Variants in C16orf74 observed in about 807,000 individuals in gnomAD.
The protein encoded by C16orf74 is uncharacterized protein C16orf74.
Under a neutral mutation model 6.5 loss-of-function variants are expected in C16orf74, and 10 were observed. That is an observed-to-expected ratio of 1.54 (90% CI 0.95 to 2.61). The LOEUF (loss-of-function observed/expected upper bound fraction) is 2.61, where lower values mean the gene tolerates loss of function less well. C16orf74 is among the 30% of genes most tolerant of loss of function. C16orf74 has a pLI of 0.00. For missense variants in C16orf74, 141 were observed against 105.9 expected (o/e 1.33, Z -1.45); for synonymous variants, 60 against 42.5 (o/e 1.41, Z -1.60).
chr16:85,718,345 T>C (rs956735442), intron 2 of C16orf74, among the ~76,000 whole-genome samples: 5 of 152,206 alleles, frequency 3.3e-5, no homozygotes, highest in Non-Finnish European at 5.9e-5. Flanking sequence ...GGGTTACAGG[T>C]ATAAGCCACC....
chr16:85,734,539 C>G (rs561238423), intron 2 of C16orf74, among the ~76,000 whole-genome samples: 2 of 152,188 alleles, frequency 1.3e-5, no homozygotes, highest in Admixed American at 6.5e-5. Flanking sequence ...TCTCAGGCAG[C>G]GGGGCCGCAA....
intron 1 of C16orf74, among the ~76,000 whole-genome samples, chr16:85,737,647 T>C (rs373034460): frequency 6.6e-6 from 1 of 152,120 alleles, no homozygotes; most frequent in Non-Finnish European, 1.5e-5. Flanking sequence ...CTGGCCAACA[T>C]GGTGAAACCC....
At chr16:85,718,585 C>G (rs1301246145) in intron 2 of C16orf74, among the ~76,000 whole-genome samples, 1 of 152,224 alleles carries the variant, frequency 6.6e-6, no homozygotes, top group African/African-American at 2.4e-5. Flanking sequence ...ACCTGCAGAA[C>G]TGGGGTAAAT....
chr16:85,739,792 C>A (rs1298801606), intron 1 of C16orf74, among the ~76,000 whole-genome samples: 1 of 151,950 alleles, frequency 6.6e-6, no homozygotes, highest in Non-Finnish European at 1.5e-5. Flanking sequence ...GAGCAAGACC[C>A]TGTCTCAAAA....
intron 2 of C16orf74, among the ~76,000 whole-genome samples, chr16:85,733,817 G>A (rs918560192): frequency 4.6e-5 from 7 of 152,150 alleles, no homozygotes; most frequent in Non-Finnish European, 1.0e-4. Flanking sequence ...TGTCTGTCCG[G>A]CATCCCATCC....
intron 1 of C16orf74, among the ~76,000 whole-genome samples, chr16:85,738,515 G>C (rs112860518): frequency 0.025 from 3,733 of 150,394 alleles, 148 homozygotes; most frequent in African/African-American, 0.087. Flanking sequence ...ATTTTTAGTA[G>C]AAATGGGATT....
chr16:85,735,839 G>T (rs1167122056), intron 1 of C16orf74, among the ~76,000 whole-genome samples: 1 of 152,170 alleles, frequency 6.6e-6, no homozygotes, highest in Non-Finnish European at 1.5e-5. Flanking sequence ...CTAAGCAATT[G>T]AAAAATAGAA....
intron 2 of C16orf74, among the ~76,000 whole-genome samples, chr16:85,721,576 A>G (rs899257599): frequency 2.0e-5 from 3 of 152,182 alleles, no homozygotes; most frequent in Non-Finnish European, 4.4e-5. Flanking sequence ...CTTATCTGAA[A>G]TTCATATATA....
At chr16:85,710,975 T>G (rs2053963535) in intron 2 of C16orf74, 1 of 152,272 alleles carries the variant, frequency 6.6e-6, no homozygotes, top group South Asian at 2.1e-4. Flanking sequence ...GTGTTTCCCT[T>G]GAGCCTAGCG....
intron 2 of C16orf74, among the ~76,000 whole-genome samples, chr16:85,725,722 G>A (rs186390725): frequency 7.1e-4 from 108 of 152,266 alleles, no homozygotes; most frequent in Non-Finnish European, 1.4e-3. Flanking sequence ...TCACACCTCA[G>A]CCTCCTGAGT....
intron 2 of C16orf74, among the ~76,000 whole-genome samples, chr16:85,728,609 A>C (rs2054157797): frequency 6.6e-6 from 1 of 152,164 alleles, no homozygotes; most frequent in Non-Finnish European, 1.5e-5. Flanking sequence ...GGGAAAGCCC[A>C]TGCCTGCAGT....
intron 1 of C16orf74, among the ~76,000 whole-genome samples, chr16:85,736,871 C>T (rs2054250694): frequency 6.6e-6 from 1 of 151,968 alleles, no homozygotes; most frequent in South Asian, 2.1e-4. Context: ...TGGTGAAACC[C>T]CATCTCTACT....
chr16:85,716,766 G>C (rs2054029718), intron 2 of C16orf74, among the ~76,000 whole-genome samples: 2 of 152,004 alleles, frequency 1.3e-5, no homozygotes, highest in South Asian at 2.1e-4. Flanking sequence ...CACATCCCCA[G>C]GGCCTGCCAA....
intron 1 of C16orf74, among the ~76,000 whole-genome samples, chr16:85,738,372 T>G (rs1170751459): frequency 3.3e-5 from 5 of 149,382 alleles, no homozygotes; most frequent in Non-Finnish European, 7.4e-5. Flanking sequence ...TTGCCCAGGC[T>G]GGAGTGCAGT....
chr16:85,748,983 G>A (rs1170640730), intron 1 of C16orf74, among the ~76,000 whole-genome samples: 1 of 138,858 alleles, frequency 7.2e-6, no homozygotes, highest in Non-Finnish European at 1.6e-5. Context: ...GTCTCACTAT[G>A]TTGCTCAGGT....
At chr16:85,732,889 G>C (rs74872391) in intron 2 of C16orf74, among the ~76,000 whole-genome samples, 1,901 of 152,228 alleles carry the variant, frequency 0.012, 18 homozygotes, top group Middle Eastern at 0.031. Flanking sequence ...CTCTGGGGCC[G>C]ACAGGAAGAC....
chr16:85,710,564 C>T, intron 2 of C16orf74: 1 of 447,150 alleles, frequency 2.2e-6, no homozygotes, highest in Non-Finnish European at 3.9e-6. Flanking sequence ...GGCTAGTTGG[C>T]CTCTGGGTCC....
intron 1 of C16orf74, among the ~76,000 whole-genome samples, chr16:85,745,910 G>A (rs1433038903): frequency 6.6e-6 from 1 of 152,082 alleles, no homozygotes; most frequent in Non-Finnish European, 1.5e-5. Flanking sequence ...TCAGCTCTAG[G>A]CTATGAGATA....
intron 1 of C16orf74, among the ~76,000 whole-genome samples, chr16:85,736,557 G>A (rs1047237875): frequency 3.3e-5 from 5 of 152,214 alleles, no homozygotes; most frequent in East Asian, 3.9e-4. Context: ...GACATAGACC[G>A]GGGCCTTGGG....
Sources: allele counts gnomAD v4.1 joint callset (sites outside exome capture counted in the v4.1 genomes callset), GRCh38; gene constraint gnomAD v4.1.1; transcripts MANE v1.5; gene names NCBI Gene and HGNC (gene_info 2026-07-23, HGNC 2026-07-21).